DNAJC27: variants seen among roughly 807,000 people sequenced by gnomAD.
The protein encoded by DNAJC27 is dnaJ homolog subfamily C member 27.
A neutral mutation model predicts 31.4 loss-of-function variants in DNAJC27; 25 were observed. That is an observed-to-expected ratio of 0.80 (90% CI 0.58 to 1.11). The LOEUF (loss-of-function observed/expected upper bound fraction) is 1.11, where lower values mean the gene tolerates loss of function less well. DNAJC27 is among the 50% of genes most tolerant of loss of function. The probability of loss-of-function intolerance (pLI) is 0.00; values close to 1 mark genes in which losing one functional copy is unlikely to be tolerated. For missense variants in DNAJC27, 356 were observed against 347.3 expected, an observed-to-expected ratio of 1.02 and a Z score of -0.20; for synonymous variants, 106 against 112.7, an observed-to-expected ratio of 0.94 and a Z score of 0.37.
chr2:24,961,026 T>TTCAA (rs1435113133), intron 3 of DNAJC27, among the ~76,000 whole-genome samples: 1 of 152,238 alleles, frequency 6.6e-6, no homozygotes, highest in African/African-American at 2.4e-5. Flanking sequence ...ATCTAGGACT[T>TTCAA]TCAAGGCTAG....
chr2:24,958,871 T>C (rs1665974382), intron 3 of DNAJC27, among the ~76,000 whole-genome samples: 1 of 152,194 alleles, frequency 6.6e-6, no homozygotes, highest in South Asian at 2.1e-4. Context: ...GAAAGAATCC[T>C]GACAGAGCCC....
chr2:24,947,736 A>G lies in DNAJC27; in HGVS notation c.702T>C (p.Asn234=). 6.2e-7 allele frequency: 1 copy of G among 1,612,864 alleles called. No homozygotes were observed. Among genetic ancestry groups the G allele is most frequent in the Non-Finnish European group, 8.5e-7 (1 of 1,178,950 alleles). Residue 234 remains asparagine, a synonymous_variant, in exon 7 of 7, where the codon AAT becomes AAC. Coordinates refer to ENST00000264711, the MANE Select transcript of DNAJC27 (RefSeq NM_016544.3). The stretch of plus-strand genomic sequence containing the variant: ...GCACAGCAAGTTTCCGATACGCTTT[A>G]TTGACTTCATCCCTGGGAAAAGAAG... ...VKPGASRDEV[N]KAYRKLAVLL...
rs141504487 is a variant in DNAJC27, at chr2:24,968,059, G to A, written c.88-766C>T. Among the ~76,000 whole-genome samples, 1,298 of 151,090 alleles carry A rather than the reference G, an allele frequency of 8.6e-3. 18 individuals carry two copies. Among genetic ancestry groups the A allele is most frequent in the African/African-American group, 0.029 (1,198 of 41,188 alleles). On this transcript the variant is annotated intron_variant, in intron 1 of 6. Coordinates refer to ENST00000264711, the MANE Select transcript of DNAJC27 (RefSeq NM_016544.3). The stretch of plus-strand genomic sequence containing the variant: ...AGAGGGAGACCCTGTCTCAAAAAGA[G>A]AAAAAAAATTTCCTGTTAAATCAAT...
At chr2:24,961,569 G>C (rs766733931) in intron 3 of DNAJC27, among the ~76,000 whole-genome samples, 1 of 151,858 alleles carries the variant, frequency 6.6e-6, no homozygotes, top group Non-Finnish European at 1.5e-5. Context: ...ATGCCATTAA[G>C]AACATTCGTG....
At chr2:24,967,956 T>C (rs1666231905) in intron 1 of DNAJC27, among the ~76,000 whole-genome samples, 1 of 130,220 alleles carries the variant, frequency 7.7e-6, no homozygotes, top group South Asian at 2.2e-4. Context: ...ATTAATTCCT[T>C]TTTTTTTTTT....
chr2:24,962,380 C>CA (rs2149128152), intron 3 of DNAJC27, among the ~76,000 whole-genome samples: 1 of 152,108 alleles, frequency 6.6e-6, no homozygotes, highest in East Asian at 1.9e-4. Context: ...CTCAGCCTCC[C>CA]AGGAAGCTGG....
At position 24,967,194 on chromosome 2, in the gene DNAJC27, G is replaced by A. The variant is rs1280600904; in HGVS notation, c.170+17C>T. The A allele has an allele frequency of 6.2e-7, 1 of 1,601,112 alleles. No homozygotes were observed. Among genetic ancestry groups the A allele is most frequent in the East Asian group, 2.2e-5 (1 of 44,758 alleles). ...ACTTCTATGTAACTTACAAACCCAG[G>A]GAAACAATATACTTACTTTGTGACT... is the stretch of plus-strand genomic sequence containing the variant. On this transcript the variant is annotated intron_variant, in intron 2 of 6. Transcript: ENST00000264711.
rs951011264 is a variant in DNAJC27 at position 24,955,167 on chromosome 2, T to C, written c.528+1876A>G. On this transcript the variant is annotated intron_variant, in intron 5 of 6. Coordinates refer to ENST00000264711, the MANE Select transcript of DNAJC27 (RefSeq NM_016544.3). Reference sequence around the variant, plus strand: ...CTGTAAAACAGCTATTATAAATATTTCAAAGAGGTAAAGAAAAATACATTC... The same window carrying C: ...CTGTAAAACAGCTATTATAAATATTCCAAAGAGGTAAAGAAAAATACATTC... Among the ~76,000 whole-genome samples, 6 of 152,278 alleles carry C rather than the reference T, an allele frequency of 3.9e-5. No individual in the cohort carries two copies. The South Asian group carries it at 1.2e-3, about 32-fold the overall frequency.
intron 1 of DNAJC27, among the ~76,000 whole-genome samples, chr2:24,967,692 C>T (rs139029151): frequency 2.7e-3 from 389 of 142,382 alleles, no homozygotes; most frequent in African/African-American, 0.01. Context: ...TAAGAGTGAA[C>T]GCTTGTCTAA....
At position 24,962,546 on chromosome 2, in the gene DNAJC27, G is replaced by A. The variant is rs188066485; in HGVS notation, c.240+859C>T. On this transcript the variant is annotated intron_variant, in intron 3 of 6. Transcript: ENST00000264711. ...GCTGGGATTACAGACGTGAGCTACT[G>A]CTCCCGGCCTGAATAACACACTTCT... Among the ~76,000 whole-genome samples, 722 of 152,214 alleles carry A rather than the reference G, an allele frequency of 4.7e-3. 1 individual carries two copies. The highest frequency in any genetic ancestry group is 8.0e-3 in the Non-Finnish European group (546 of 68,018).
intron 5 of DNAJC27, among the ~76,000 whole-genome samples, chr2:24,956,087 T>G (rs1665897628): frequency 6.6e-6 from 1 of 152,244 alleles, no homozygotes; most frequent in Non-Finnish European, 1.5e-5. Flanking sequence ...TTTGCTTAAT[T>G]CAGCCTGTCA....
At chr2:24,968,622 G>A (rs1373363465) in intron 1 of DNAJC27, among the ~76,000 whole-genome samples, 2 of 151,902 alleles carry the variant, frequency 1.3e-5, no homozygotes, top group South Asian at 2.1e-4. Context: ...GATTACAGGC[G>A]TGAGCCACTG....
chr2:24,966,592 G>A lies in DNAJC27; in HGVS notation c.170+619C>T, dbSNP rs991282114. ...TCCTGCCTCAGCATCCTGAGTAGCT[G>A]GGACTACAGGTGTGTGCCACCACAC... On this transcript the variant is annotated intron_variant, in intron 2 of 6. Coordinates refer to ENST00000264711, the MANE Select transcript of DNAJC27 (RefSeq NM_016544.3). Among the ~76,000 whole-genome samples, 3 of 152,092 alleles carry A rather than the reference G, an allele frequency of 2.0e-5. No individual in the cohort carries two copies. In the East Asian group the frequency reaches 5.8e-4, roughly 29 times the overall value.
Position 24,964,157 on chromosome 2 carries a change from A to C in DNAJC27, c.171-683T>G, listed in dbSNP as rs563656118. Among the ~76,000 whole-genome samples, 4 of 152,288 alleles carry C rather than the reference A, an allele frequency of 2.6e-5. No individual in the cohort carries two copies. The South Asian group carries it at 8.3e-4, about 32-fold the overall frequency. On this transcript the variant is annotated intron_variant, in intron 2 of 6. Transcript: ENST00000264711. ...AACACTAGGCCGGACACGGTGGCTC[A>C]CGCCTGTAATCCCAGCACTGTGGGA...
chr2:24,952,957 T>TTGGG (rs1665816293), intron 5 of DNAJC27, among the ~76,000 whole-genome samples: 1 of 152,168 alleles, frequency 6.6e-6, no homozygotes, highest in South Asian at 2.1e-4. Flanking sequence ...TCTCTCTATG[T>TTGGG]TGGCCAGGCT....
rs148570426 is a variant in DNAJC27 at position 24,949,167 on chromosome 2, C to T, written c.690-1419G>A. 2.6e-3 allele frequency among the ~76,000 whole-genome samples: 390 copies of T among 152,222 alleles called. 5 individuals are homozygous for T. Among genetic ancestry groups the T allele is most frequent in the African/African-American group, 8.9e-3 (371 of 41,520 alleles). On this transcript the variant is annotated intron_variant, in intron 6 of 6. Transcript: ENST00000264711. ...TACTCTGGGGGACCTTCCTGGTGCC[C>T]TGCGTGTTGTTTTTCTACATGTGTA...
At position 24,944,942 on chromosome 2, in the gene DNAJC27, G is replaced by GA; in HGVS notation, c.*2673dup. ...CTATTCAAACTTTTTATTCTTTTTT[G>GA]AAAAACAAGATTCTCTATAAAAACG... is the stretch of plus-strand genomic sequence containing the variant. On this transcript the variant is annotated 3_prime_UTR_variant, in exon 7 of 7. Transcript: ENST00000264711. 6.6e-6 allele frequency: 1 copy of GA among 152,386 alleles called. No individual in the cohort carries two copies. The highest frequency in any genetic ancestry group is 1.5e-5 in the Non-Finnish European group (1 of 67,952). The allele number at this position is 152,386 out of a possible 1,614,324, so 9.4% of individuals were successfully genotyped here.
intron 5 of DNAJC27, 97 bp downstream of exon 5, chr2:24,956,946 G>A: frequency 7.1e-7 from 1 of 1,403,920 alleles, no homozygotes; most frequent in Non-Finnish European, 9.7e-7. Context: ...TTATTCTAAT[G>A]AGAAATTCCT....
At chr2:24,969,755 A>C (rs1025757119) in intron 1 of DNAJC27, among the ~76,000 whole-genome samples, 2 of 152,240 alleles carry the variant, frequency 1.3e-5, no homozygotes, top group Non-Finnish European at 2.9e-5. Context: ...CTAGAATTAC[A>C]GGCGTGAGCC....
Sources: gnomAD v4.1 joint callset for allele counts (sites outside exome capture counted in the v4.1 genomes callset) on GRCh38, gnomAD v4.1.1 for gene constraint, MANE v1.5 for transcripts, NCBI Gene and HGNC (gene_info 2026-07-23, HGNC 2026-07-21) for gene names.